ADAM2: variants seen among roughly 807,000 people sequenced by gnomAD.
ADAM2 encodes disintegrin and metalloproteinase domain-containing protein 2.
Under a neutral mutation model 99.3 loss-of-function variants are expected in ADAM2, and 101 were observed. The observed-to-expected ratio is 1.02, with a 90% CI of 0.87 to 1.20. ADAM2 has a LOEUF of 1.20. Ranked by LOEUF, ADAM2 falls within the 50% of genes most tolerant of loss-of-function variation. The pLI, the probability that ADAM2 is intolerant of heterozygous loss-of-function variation, is 0.00. For missense variants in ADAM2, 948 were observed against 878.7 expected (o/e 1.08, Z -1.00); for synonymous variants, 323 against 287.6 (o/e 1.12, Z -1.25).
intron 9 of ADAM2, among the ~76,000 whole-genome samples, chr8:39,787,648 T>C (rs1013281248): frequency 6.6e-6 from 1 of 151,436 alleles, no homozygotes; most frequent in Non-Finnish European, 1.5e-5. Context: ...AAGGCTAATG[T>C]ACTAAAACCT....
At chr8:39,781,435 A>G (rs1803228292) in intron 10 of ADAM2, among the ~76,000 whole-genome samples, 1 of 152,224 alleles carries the variant, frequency 6.6e-6, no homozygotes, top group East Asian at 1.9e-4. Flanking sequence ...ATCTCAGTAC[A>G]ATGGCTTATC....
chr8:39,812,801 A>G (rs1242920962), intron 6 of ADAM2, among the ~76,000 whole-genome samples: 1 of 152,204 alleles, frequency 6.6e-6, no homozygotes, highest in Admixed American at 6.5e-5. Context: ...TGTTAGACCT[A>G]AAACCATGAA....
At chr8:39,755,964 G>T (rs986094375) in intron 15 of ADAM2, 53 bp from the exon 16 acceptor site, 6 of 999,974 alleles carry the variant, frequency 6.0e-6, no homozygotes, top group South Asian at 1.8e-5. Context: ...AGAAGTACAA[G>T]AATATAATTT....
At chr8:39,753,543 A>G (rs1439294249) in intron 16 of ADAM2, among the ~76,000 whole-genome samples, 1 of 152,204 alleles carries the variant, frequency 6.6e-6, no homozygotes, top group Non-Finnish European at 1.5e-5. Context: ...TCCAAGGCAT[A>G]TCAGAGACTT....
At chr8:39,763,221 T>A (rs1467942755) in intron 14 of ADAM2, among the ~76,000 whole-genome samples, 5 of 150,650 alleles carry the variant, frequency 3.3e-5, no homozygotes, top group Non-Finnish European at 4.4e-5. Flanking sequence ...AAAAAAAAAA[T>A]GAATAAAAAA....
At chr8:39,769,738 G>A (rs527820723) in intron 11 of ADAM2, among the ~76,000 whole-genome samples, 163 bp from the exon 12 acceptor site, 70 of 152,288 alleles carry the variant, frequency 4.6e-4, no homozygotes, top group African/African-American at 1.7e-3. Context: ...GTGCAAGAAT[G>A]TAAATATTTT....
Position 39,744,868 on chromosome 8 carries a change from T to C in ADAM2, c.2200A>G (p.Lys734Glu), listed in dbSNP as rs767373655. 1 of 1,603,204 alleles carries C rather than the reference T, an allele frequency of 6.2e-7. No homozygotes were observed. Among genetic ancestry groups the C allele is most frequent in the Non-Finnish European group, 8.5e-7 (1 of 1,175,082 alleles). The part of the protein sequence containing the change: ...DEQPESESEP[K>E]G Reference sequence around the variant, plus strand: ...CATCTCTGTTGTCCAGACTACCCTTTAGGTTCACTCTCACTTTCAGGTTGC... The same window carrying C: ...CATCTCTGTTGTCCAGACTACCCTTCAGGTTCACTCTCACTTTCAGGTTGC... The change falls in exon 20 of 21, where the codon AAA becomes GAA. Residue 734 changes from lysine (K) to glutamate (E), a missense_variant. By Grantham distance (56) the Lys-to-Glu change is moderately conservative. Coordinates refer to ENST00000265708, the MANE Select transcript of ADAM2 (RefSeq NM_001464.5).
chr8:39,832,862 T>A (rs1402156835), intron 3 of ADAM2, among the ~76,000 whole-genome samples: 2 of 152,164 alleles, frequency 1.3e-5, no homozygotes, highest in Non-Finnish European at 2.9e-5. Flanking sequence ...TAGTATGTGA[T>A]TCATCCATTA....
chr8:39,837,351 A>C, intron 1 of ADAM2, 139 bp from the exon 2 acceptor site: 1 of 564,742 alleles, frequency 1.8e-6, no homozygotes, highest in Non-Finnish European at 2.9e-6. Flanking sequence ...CTTTCTAAAA[A>C]TACAAGGAGG....
chr8:39,746,702 C>G (rs1823480905), intron 18 of ADAM2, 71 bp from the exon 19 acceptor site: 3 of 1,164,848 alleles, frequency 2.6e-6, no homozygotes, highest in Non-Finnish European at 3.6e-6. Flanking sequence ...CTGTATTTTA[C>G]TACGTCTACC....
intron 16 of ADAM2, among the ~76,000 whole-genome samples, chr8:39,753,631 CT>C (rs1802037988): frequency 6.6e-6 from 1 of 152,182 alleles, no homozygotes; most frequent in Non-Finnish European, 1.5e-5. Flanking sequence ...CAGGGTCCCC[CT>C]GCTCTATACT....
At chr8:39,830,994 G>A (rs1805594027) in intron 3 of ADAM2, among the ~76,000 whole-genome samples, 1 of 152,138 alleles carries the variant, frequency 6.6e-6, no homozygotes, top group Non-Finnish European at 1.5e-5. Flanking sequence ...GGCACAGCAT[G>A]AAGGAGCCAT....
At chr8:39,784,305 T>C (rs1225919369) in intron 10 of ADAM2, among the ~76,000 whole-genome samples, 11 of 152,226 alleles carry the variant, frequency 7.2e-5, no homozygotes, top group Non-Finnish European at 1.5e-4. Flanking sequence ...CATTTTTCTC[T>C]GCCCATGAGG....
intron 6 of ADAM2, among the ~76,000 whole-genome samples, chr8:39,818,329 T>C (rs1805037475): frequency 6.6e-6 from 1 of 152,062 alleles, no homozygotes; most frequent in Non-Finnish European, 1.5e-5. Context: ...GAAATTATTA[T>C]CTCAACATAC....
chr8:39,777,160 T>A lies in ADAM2; in HGVS notation c.893A>T (p.His298Leu). Residue 298 changes from histidine (H) to leucine (L), a missense_variant and splice_region_variant, in exon 11 of 21, where the codon CAC (histidine) becomes CTC (leucine). Coordinates refer to ENST00000265708, the MANE Select transcript of ADAM2 (RefSeq NM_001464.5). ...DANYAGGVVL[H>L]PRTISLESLA... ...TGATTCCAGACTTATGGTTCTGGGG[T>A]GCTGAGAAAAAAAAATAGATGTACA... 1 of 1,594,948 alleles carries A rather than the reference T, an allele frequency of 6.3e-7. No homozygotes were observed. The highest frequency in any genetic ancestry group is 8.5e-7 in the Non-Finnish European group (1 of 1,173,522).
chr8:39,749,553 C>G, intron 17 of ADAM2, 103 bp from the exon 18 acceptor site: 1 of 1,448,140 alleles, frequency 6.9e-7, no homozygotes, highest in Non-Finnish European at 9.5e-7. Context: ...GCCAATTTTC[C>G]TATATGTTTT....
At chr8:39,806,521 CATATT>C (rs1804450135) in intron 7 of ADAM2, among the ~76,000 whole-genome samples, 2 of 147,520 alleles carry the variant, frequency 1.4e-5, no homozygotes, top group African/African-American at 2.5e-5. Context: ...TTATTATAAA[CATATT>C]ATATATAAAT....
intron 11 of ADAM2, among the ~76,000 whole-genome samples, chr8:39,772,421 T>C (rs925450950): frequency 6.6e-6 from 1 of 152,086 alleles, no homozygotes; most frequent in East Asian, 1.9e-4. Flanking sequence ...CTTTATCCAA[T>C]TGGTCACTTT....
intron 10 of ADAM2, among the ~76,000 whole-genome samples, chr8:39,784,318 C>A (rs1311723928): frequency 1.4e-4 from 22 of 152,198 alleles, no homozygotes; most frequent in East Asian, 1.9e-4. Context: ...CCATGAGGCA[C>A]AAATTGTCCA....
Sources: gnomAD v4.1 joint callset for allele counts (sites outside exome capture counted in the v4.1 genomes callset) on GRCh38, gnomAD v4.1.1 for gene constraint, MANE v1.5 for transcripts, NCBI Gene and HGNC (gene_info 2026-07-23, HGNC 2026-07-21) for gene names.